The following DMD variants were observed in gnomAD, a reference collection of about 807,000 sequenced individuals.
The protein encoded by DMD is dystrophin.
A neutral mutation model predicts 330.1 loss-of-function variants in DMD; 63 were observed. That is an observed-to-expected ratio of 0.19 (90% CI 0.16 to 0.24). DMD has a LOEUF of 0.24. Among genes scored for constraint, DMD ranks in the 10% least tolerant of loss-of-function variants. The pLI, the probability that DMD is intolerant of heterozygous loss-of-function variation, is 1.00. For missense variants in DMD, 3,344 were observed against 2,684.1 expected (o/e 1.25, Z -5.43); for synonymous variants, 1,223 against 959.8 (o/e 1.27, Z -5.07).
intron 39 of DMD, 100 bp downstream of exon 39, chrX:32,345,843 G>T: frequency 1.5e-6 from 1 of 661,464 alleles, no homozygotes; most frequent in Non-Finnish European, 2.1e-6. Context: ...AGTTTCTGAT[G>T]ACTAAGTCTG....
intron 7 of DMD, among the ~76,000 whole-genome samples, chrX:32,746,136 C>G (rs1052483012): frequency 8.9e-6 from 1 of 111,840 alleles, no homozygotes; most frequent in Non-Finnish European, 1.9e-5. Flanking sequence ...GTCCTGTTCT[C>G]TGGGTAATGG....
intron 44 of DMD, among the ~76,000 whole-genome samples, chrX:31,974,577 G>A (rs1282773527): frequency 1.8e-5 from 2 of 108,468 alleles, no homozygotes; most frequent in African/African-American, 6.7e-5. Context: ...CCATACAAAT[G>A]TGTGTGTTCA....
chrX:31,269,893 C>T (rs1268381906), intron 62 of DMD, among the ~76,000 whole-genome samples: 2 of 111,982 alleles, frequency 1.8e-5, no homozygotes, highest in Non-Finnish European at 3.8e-5. Flanking sequence ...GGAGGTTGGA[C>T]CTCTGTGGGG....
At chrX:33,057,345 G>A (rs1006752017) in intron 1 of DMD, among the ~76,000 whole-genome samples, 2 of 111,811 alleles carry the variant, frequency 1.8e-5, no homozygotes, top group African/African-American at 6.5e-5. Flanking sequence ...TTGTGTATCC[G>A]ATACTGTTTA....
chrX:31,697,562 T>C (rs866890646), intron 52 of DMD, among the ~76,000 whole-genome samples: 2 of 111,878 alleles, frequency 1.8e-5, no homozygotes, highest in Admixed American at 9.5e-5. Flanking sequence ...AGAACCACAA[T>C]ATTGCAGAGA....
At chrX:32,823,179 C>A in intron 5 of DMD, 116 bp downstream of exon 5, 1 of 593,905 alleles carries the variant, frequency 1.7e-6, no homozygotes, top group Non-Finnish European at 2.9e-6. Flanking sequence ...AAAAGCAGCA[C>A]TATGGAGCAG....
At chrX:33,324,018 A>T (rs1308122508) in intron 1 of DMD, among the ~76,000 whole-genome samples, 1 of 111,515 alleles carries the variant, frequency 9.0e-6, no homozygotes, top group Non-Finnish European at 1.9e-5. Context: ...GCATATTTTG[A>T]TAATTGCCCT....
At chrX:32,737,135 A>C (rs1419513149) in intron 7 of DMD, among the ~76,000 whole-genome samples, 7 of 109,784 alleles carry the variant, frequency 6.4e-5, no homozygotes, top group Non-Finnish European at 9.5e-5. Flanking sequence ...AACAGCAACA[A>C]CAAAAGGGGG....
At chrX:31,765,050 CT>C (rs71981919) in intron 51 of DMD, among the ~76,000 whole-genome samples, 53 of 100,124 alleles carry the variant, frequency 5.3e-4, no homozygotes, top group Admixed American at 8.7e-4. Flanking sequence ...AATCCTGTTG[CT>C]TTTTTTTTTT....
intron 43 of DMD, among the ~76,000 whole-genome samples, chrX:32,255,265 T>G (rs1288949991): frequency 8.9e-6 from 1 of 112,195 alleles, no homozygotes; most frequent in Non-Finnish European, 1.9e-5. Context: ...AATATCTGTG[T>G]GAATACCTGT....
chrX:31,182,016 A>C (rs904640954), intron 68 of DMD, among the ~76,000 whole-genome samples: 1 of 112,524 alleles, frequency 8.9e-6, no homozygotes, highest in African/African-American at 3.2e-5. Flanking sequence ...AGCAGGGCTA[A>C]AGATTTATTT....
At chrX:32,960,110 G>A (rs186531902) in intron 2 of DMD, 7 of 111,731 alleles carry the variant, frequency 6.3e-5, no homozygotes, top group East Asian at 2.8e-4. Context: ...GCCTGATCAC[G>A]TGCATCATCC....
intron 1 of DMD, among the ~76,000 whole-genome samples, chrX:33,078,470 T>TA (rs1280208489): frequency 8.0e-5 from 9 of 112,124 alleles, no homozygotes; most frequent in Non-Finnish European, 9.4e-5. Flanking sequence ...ACAAATTTGC[T>TA]CCAAAATTTG....
intron 52 of DMD, among the ~76,000 whole-genome samples, chrX:31,722,341 G>A (rs1409685910): frequency 2.7e-5 from 3 of 109,886 alleles, no homozygotes; most frequent in African/African-American, 6.7e-5. Context: ...GGCTGGTTTC[G>A]AACTCCTGAC....
chrX:31,399,692 G>A (rs759609912), intron 60 of DMD, among the ~76,000 whole-genome samples: 2 of 111,258 alleles, frequency 1.8e-5, no homozygotes. Context: ...TAATATAATG[G>A]GGTACTAGGA....
At chrX:31,731,011 A>G (rs2086463808) in intron 51 of DMD, among the ~76,000 whole-genome samples, 1 of 112,025 alleles carries the variant, frequency 8.9e-6, no homozygotes, top group Non-Finnish European at 1.9e-5. Flanking sequence ...GTGAAGAGGT[A>G]GGGAGACAGG....
rs148194842 is a variant in DMD at position 32,725,837 on chromosome X, G to C, written c.650-26544C>G. The stretch of plus-strand genomic sequence containing the variant: ...ATTTTATAATAACTCAGTATCATTG[G>C]ATTGTTTATAACACAAAGGATAAAT... On this transcript the variant is annotated intron_variant, in intron 7 of 78. Transcript: ENST00000357033. 0.011 allele frequency among the ~76,000 whole-genome samples: 1,195 copies of C among 110,748 alleles called. 40 individuals carry two copies. In the East Asian group the frequency reaches 0.17, roughly 15 times the overall value.
intron 59 of DMD, among the ~76,000 whole-genome samples, chrX:31,464,520 AG>A (rs1312682922): frequency 8.9e-6 from 1 of 112,473 alleles, no homozygotes; most frequent in East Asian, 2.8e-4. Flanking sequence ...TCGATGTGGA[AG>A]GCATTTCATA....
chrX:33,286,150 C>T (rs145497651), intron 1 of DMD, among the ~76,000 whole-genome samples: 92 of 109,963 alleles, frequency 8.4e-4, no homozygotes, highest in African/African-American at 2.9e-3. Context: ...TAGGACCATA[C>T]GATAAAGAAC....
Sources: allele counts gnomAD v4.1 joint callset (sites outside exome capture counted in the v4.1 genomes callset), GRCh38; gene constraint gnomAD v4.1.1; transcripts MANE v1.5; gene names NCBI Gene and HGNC (gene_info 2026-07-23, HGNC 2026-07-21).